The following PCDHGA5 variants were observed in gnomAD, a reference collection of about 807,000 sequenced individuals.
PCDHGA5 encodes the protein protocadherin gamma-A5.
A neutral mutation model predicts 56.7 loss-of-function variants in PCDHGA5; 36 were observed. That is an observed-to-expected ratio of 0.64 (90% CI 0.49 to 0.84). The LOEUF is 0.84. PCDHGA5 is among the 40% of genes least tolerant of loss of function. PCDHGA5 has a pLI of 0.00. For synonymous variants in PCDHGA5, 563 were observed against 520.2 expected, an observed-to-expected ratio of 1.08 and a Z score of -1.12; for missense variants, 1,305 against 1,201.5, an observed-to-expected ratio of 1.09 and a Z score of -1.27.
chr5:141,365,867 G>A lies in PCDHGA5; in HGVS notation c.1537G>A (p.Val513Ile). 1.2e-6 allele frequency: 2 copies of A among 1,614,096 alleles called. No homozygotes were observed. Among genetic ancestry groups the A allele is most frequent in the Non-Finnish European group, 1.7e-6 (2 of 1,179,946 alleles). Residue 513 changes from valine to isoleucine, a missense_variant, in exon 1 of 4, where the codon GTC (valine) becomes ATC (isoleucine). Coordinates refer to ENST00000518069, the MANE Select transcript of PCDHGA5 (RefSeq NM_018918.3). ...TGTATCCATTAACTCTGACACCGGT[G>A]TCCTGTATGCTCTGAGATCCTTCGA... ...SYVSINSDTGVLYALRSFDYE... is the reference protein window; with the variant it reads ...SYVSINSDTGILYALRSFDYE...
At chr5:141,407,370 A>G (rs1434825695) in intron 1 of PCDHGA5, among the ~76,000 whole-genome samples, 2 of 152,228 alleles carry the variant, frequency 1.3e-5, no homozygotes, top group Non-Finnish European at 2.9e-5. Flanking sequence ...ACAGATATCC[A>G]TGAAGGCTTG....
At chr5:141,374,646 G>C in intron 1 of PCDHGA5, 4 of 1,612,728 alleles carry the variant, frequency 2.5e-6, no homozygotes, top group Non-Finnish European at 3.4e-6. Flanking sequence ...GAAGCCCATG[G>C]GCCCAAGTAC....
At chr5:141,482,561 T>C (rs1411268228) in intron 1 of PCDHGA5, among the ~76,000 whole-genome samples, 3 of 136,978 alleles carry the variant, frequency 2.2e-5, no homozygotes, top group African/African-American at 8.6e-5. Flanking sequence ...ATAATGGAGA[T>C]CTGCATAGCA....
intron 1 of PCDHGA5, chr5:141,413,755 A>G: frequency 1.2e-6 from 2 of 1,612,936 alleles, no homozygotes; most frequent in Non-Finnish European, 1.7e-6. Context: ...CAATGGCGTC[A>G]AGTACCCGGA....
Position 141,511,409 on chromosome 5 carries a change from G to C in PCDHGA5, c.*236G>C, listed in dbSNP as rs999907393. On this transcript the variant is annotated 3_prime_UTR_variant, in exon 4 of 4. Coordinates refer to ENST00000518069, the MANE Select transcript of PCDHGA5 (RefSeq NM_018918.3). Reference sequence around the variant, plus strand: ...GGGAACCCCCATCCAATCAACTGCTGTACCCATGGGGGTAGTGGGGTTACT... The same window carrying C: ...GGGAACCCCCATCCAATCAACTGCTCTACCCATGGGGGTAGTGGGGTTACT... The C allele has an allele frequency of 1.1e-6, 1 of 908,516 alleles. No homozygotes were observed. The highest frequency in any genetic ancestry group is 1.7e-5 in the African/African-American group (1 of 59,504). The allele number at this position is 908,516 out of a possible 1,614,324, so 56.3% of individuals were successfully genotyped here.
rs773893751 is a variant in PCDHGA5 at position 141,431,903 on chromosome 5, G to A, written c.2422-62904G>A. 2 of 1,613,916 alleles carry A rather than the reference G, an allele frequency of 1.2e-6. No individual in the cohort carries two copies. Among genetic ancestry groups the A allele is most frequent in the South Asian group, 2.2e-5 (2 of 91,080 alleles). ...CCAAGATTCTGAGGAAAACGGACAG[G>A]TGATCTGTTTCATCCAAGGAAATCT... On this transcript the variant is annotated intron_variant, in intron 1 of 3. Transcript: ENST00000518069. The surrounding 1 kb of genome is among the most constrained non-coding windows in gnomAD (Gnocchi z 4.8).
chr5:141,375,005 G>T, intron 1 of PCDHGA5: 2 of 1,614,010 alleles, frequency 1.2e-6, no homozygotes, highest in Non-Finnish European at 1.7e-6. Flanking sequence ...TGCAAATCTA[G>T]ACTATGAGGA....
Position 141,477,898 on chromosome 5 carries a change from A to G in PCDHGA5, c.2422-16909A>G. 1 of 1,614,158 alleles carries G rather than the reference A, an allele frequency of 6.2e-7. No homozygotes were observed. Among genetic ancestry groups the G allele is most frequent in the Middle Eastern group, 1.6e-4 (1 of 6,062 alleles). ...CTGGCCACCTAGTGTCACGGGTGGTAGGCTGGGACGCGGATGCAGGGCACA... is the reference window on the plus strand; with the variant it reads ...CTGGCCACCTAGTGTCACGGGTGGTGGGCTGGGACGCGGATGCAGGGCACA... On this transcript the variant is annotated intron_variant, in intron 1 of 3. Coordinates refer to ENST00000518069, the MANE Select transcript of PCDHGA5 (RefSeq NM_018918.3). This position sits in a 1 kb window ranked among gnomAD's most constrained non-coding sequence, Gnocchi z 4.9.
chr5:141,418,666 G>C, intron 1 of PCDHGA5: 1 of 1,614,038 alleles, frequency 6.2e-7, no homozygotes, highest in Non-Finnish European at 8.5e-7. Context: ...CCACTGACCA[G>C]GACGAGGGCA....
chr5:141,423,101 G>A (rs757127033), intron 1 of PCDHGA5: 3 of 1,613,966 alleles, frequency 1.9e-6, no homozygotes, highest in South Asian at 1.1e-5. Context: ...GAGCACACGG[G>A]CGAGGTGCGT....
intron 1 of PCDHGA5, chr5:141,399,640 G>C: frequency 2.5e-6 from 4 of 1,613,836 alleles, no homozygotes; most frequent in Non-Finnish European, 3.4e-6. Flanking sequence ...GTCCATGAGC[G>C]CGCAAAGTGG....
chr5:141,494,115 GC>G (rs1445167222), intron 1 of PCDHGA5, among the ~76,000 whole-genome samples: 1 of 152,186 alleles, frequency 6.6e-6, no homozygotes, highest in African/African-American at 2.4e-5. Context: ...AGACAGAGCA[GC>G]CTTGTTCTCT....
chr5:141,370,689 A>G (rs1275146563), intron 1 of PCDHGA5: 1 of 1,613,814 alleles, frequency 6.2e-7, no homozygotes, highest in East Asian at 2.2e-5. Context: ...TTGTGGCAAG[A>G]AGTCGACGTG....
At chr5:141,376,037 C>T (rs1436738898) in intron 1 of PCDHGA5, 1 of 1,613,104 alleles carries the variant, frequency 6.2e-7, no homozygotes, top group African/African-American at 1.3e-5. Flanking sequence ...CCACGGCCAG[C>T]CCCCTCTCTC....
chr5:141,458,340 G>C (rs4551132), intron 1 of PCDHGA5, among the ~76,000 whole-genome samples: 42,372 of 151,882 alleles, frequency 0.28, 6,646 homozygotes, highest in African/African-American at 0.43. Context: ...TTTAAGGAGT[G>C]GAGAGTTTAA....
At chr5:141,408,856 G>T in intron 1 of PCDHGA5, 1 of 1,613,518 alleles carries the variant, frequency 6.2e-7, no homozygotes, top group Non-Finnish European at 8.5e-7. Flanking sequence ...TGGACGGAGG[G>T]GACCCACCAA....
At position 141,383,792 on chromosome 5, in the gene PCDHGA5, C is replaced by T. The variant is rs766483523; in HGVS notation, c.2421+17041C>T. On this transcript the variant is annotated intron_variant, in intron 1 of 3. Coordinates refer to ENST00000518069, the MANE Select transcript of PCDHGA5 (RefSeq NM_018918.3). ...AAGATGTTTCATCTGAACTCGCTTA[C>T]AGGAGAAATATCAACTTTAGAAGGA... 2 of 1,613,914 alleles carry T rather than the reference C, an allele frequency of 1.2e-6. No homozygotes were observed. The highest frequency in any genetic ancestry group is 1.1e-5 in the South Asian group (1 of 91,080).
intron 1 of PCDHGA5, chr5:141,427,786 C>G: frequency 1.4e-6 from 2 of 1,477,082 alleles, no homozygotes; most frequent in Non-Finnish European, 1.9e-6. Flanking sequence ...GCACTGTCGT[C>G]CTACGTGTCC....
chr5:141,457,428 C>G (rs72790053), intron 1 of PCDHGA5, among the ~76,000 whole-genome samples: 1,866 of 152,262 alleles, frequency 0.012, 18 homozygotes, highest in Non-Finnish European at 0.017. Context: ...TTTTTCCCCC[C>G]CACCAAGCTG....
Sources: allele counts gnomAD v4.1 joint callset (sites outside exome capture counted in the v4.1 genomes callset), GRCh38; gene constraint gnomAD v4.1.1; non-coding constraint Gnocchi (gnomAD v3.1); transcripts MANE v1.5; gene names NCBI Gene and HGNC (gene_info 2026-07-23, HGNC 2026-07-21).